Variants in CELF2 observed in about 807,000 individuals in gnomAD.
The protein encoded by CELF2 is CUGBP Elav-like family member 2.
CELF2 carries 8 observed loss-of-function variants against 62.6 expected under a neutral mutation model. The observed-to-expected ratio is 0.13, with a 90% CI of 0.07 to 0.23. The LOEUF is 0.23. Among genes scored for constraint, CELF2 ranks in the 10% least tolerant of loss-of-function variants. The pLI, the probability that CELF2 is intolerant of heterozygous loss-of-function variation, is 1.00. For missense variants in CELF2, 333 were observed against 671.0 expected (o/e 0.50, Z 5.56); for synonymous variants, 258 against 250.0 (o/e 1.03, Z -0.30).
rs1349907157 is a variant in CELF2, at chr10:11,335,744, G to C, written c.*6691G>C. 1 of 151,716 alleles carries C rather than the reference G, an allele frequency of 6.6e-6. No homozygotes were observed. Among genetic ancestry groups the C allele is most frequent in the East Asian group, 1.9e-4 (1 of 5,172 alleles). 9.4% of individuals were successfully genotyped at this position (151,716 alleles called of 1,614,324 possible). A position where few individuals can be genotyped will look rare whatever the true frequency, so the allele number is the denominator to read the frequency against. ...GAGGGGGATGTTGGGAGGCATGGGG[G>C]GTGATTAAATTATCATTTCCAAGGT... On this transcript the variant is annotated 3_prime_UTR_variant, in exon 13 of 13. Coordinates refer to ENST00000633077, the MANE Select transcript of CELF2 (RefSeq NM_001326342.2). This position sits in a 1 kb window ranked among gnomAD's most constrained non-coding sequence, Gnocchi z 5.0.
intron 1 of CELF2, among the ~76,000 whole-genome samples, chr10:11,104,460 G>A (rs1595355694): frequency 6.6e-6 from 1 of 152,174 alleles, no homozygotes; most frequent in African/African-American, 2.4e-5. Context: ...GAAGGCCAAG[G>A]CAGGAGAATC....
intron 8 of CELF2, among the ~76,000 whole-genome samples, chr10:11,287,899 C>G (rs1029445631): frequency 6.6e-6 from 1 of 152,234 alleles, no homozygotes; most frequent in Non-Finnish European, 1.5e-5. Context: ...GAACCCATAC[C>G]AGTTCAGCTT....
At chr10:10,986,574 G>A (rs375122230) in intron 2 of CELF2, among the ~76,000 whole-genome samples, 4 of 152,228 alleles carry the variant, frequency 2.6e-5, no homozygotes, top group African/African-American at 9.7e-5. Flanking sequence ...AAGAAGAAAG[G>A]AGTATTGTAT....
the CELF2 span, among the ~76,000 whole-genome samples, chr10:10,759,522 C>T: frequency 6.6e-6 from 1 of 151,850 alleles, no homozygotes. Flanking sequence ...GTTGGCCAGG[C>T]TGGTCTCGAA....
the CELF2 span, among the ~76,000 whole-genome samples, chr10:10,743,856 A>G: frequency 1.3e-5 from 2 of 152,194 alleles, no homozygotes; most frequent in Non-Finnish European, 1.5e-5. Context: ...CCAAAAATAG[A>G]CTTCTAGAAA....
chr10:11,312,762 C>T (rs1182778723), intron 9 of CELF2, among the ~76,000 whole-genome samples: 3 of 152,120 alleles, frequency 2.0e-5, no homozygotes, highest in Admixed American at 6.5e-5. Flanking sequence ...GGTGAAACCC[C>T]GTCTCTAATA....
At chr10:11,215,450 A>T (rs1005734448) in intron 2 of CELF2, among the ~76,000 whole-genome samples, 3 of 152,194 alleles carry the variant, frequency 2.0e-5, no homozygotes, top group Admixed American at 6.5e-5. Context: ...GGCGTGGCCA[A>T]ACTGGCATCG....
chr10:10,559,494 G>T, the CELF2 span, among the ~76,000 whole-genome samples: 5 of 152,302 alleles, frequency 3.3e-5, no homozygotes, highest in East Asian at 9.6e-4. Context: ...ACCACCAAAG[G>T]TTTTGTTTTA....
chr10:10,690,124 C>A, the CELF2 span, among the ~76,000 whole-genome samples: 2 of 152,084 alleles, frequency 1.3e-5, no homozygotes, highest in African/African-American at 4.8e-5. Context: ...GAATTCTGAC[C>A]TCTCTCCTCT....
rs2083200493 is a variant in CELF2, at chr10:11,269,703, A to G, written c.619-963A>G. The stretch of plus-strand genomic sequence containing the variant: ...GGAGACTTCTGCTGAGTTACTTACC[A>G]AGTGGCAAATGTTGCAAAGGTGCTT... On this transcript the variant is annotated intron_variant, in intron 6 of 12. Transcript: ENST00000633077. This position sits in a 1 kb window ranked among gnomAD's most constrained non-coding sequence, Gnocchi z 4.4. 6.6e-6 allele frequency among the ~76,000 whole-genome samples: 1 copy of G among 152,178 alleles called. No individual in the cohort carries two copies. The highest frequency in any genetic ancestry group is 2.4e-5 in the African/African-American group (1 of 41,432).
chr10:11,007,805 T>C (rs528094007), intron 1 of CELF2, among the ~76,000 whole-genome samples: 1 of 152,316 alleles, frequency 6.6e-6, no homozygotes, highest in East Asian at 1.9e-4. Flanking sequence ...CCCTAGCTGC[T>C]TGTCCGTGGC....
the CELF2 span, among the ~76,000 whole-genome samples, chr10:10,757,221 G>T: frequency 1.3e-5 from 2 of 152,138 alleles, no homozygotes; most frequent in Non-Finnish European, 2.9e-5. Flanking sequence ...ACTTTGGGAG[G>T]TCGAGGTAGG....
intron 1 of CELF2, among the ~76,000 whole-genome samples, chr10:10,864,718 C>T (rs1269102298): frequency 6.6e-6 from 1 of 152,134 alleles, no homozygotes; most frequent in Non-Finnish European, 1.5e-5. Flanking sequence ...GCTCCATCTC[C>T]AAATATAATT....
chr10:10,898,507 G>A (rs12412349), intron 1 of CELF2, among the ~76,000 whole-genome samples: 49,339 of 152,036 alleles, frequency 0.32, 9,522 homozygotes, highest in East Asian at 0.67. Flanking sequence ...CAGAGCAAAG[G>A]CTATTGCCAG....
At chr10:10,693,870 T>A in the CELF2 span, among the ~76,000 whole-genome samples, 6 of 149,662 alleles carry the variant, frequency 4.0e-5, no homozygotes, top group African/African-American at 1.5e-4. Flanking sequence ...CCCTTTATCA[T>A]TTTTTATTGC....
At chr10:10,663,446 C>T in the CELF2 span, among the ~76,000 whole-genome samples, 1 of 152,128 alleles carries the variant, frequency 6.6e-6, no homozygotes, top group Admixed American at 6.5e-5. Context: ...AAATTTTGAC[C>T]AGTCTCAAAC....
At chr10:10,684,160 A>G in the CELF2 span, among the ~76,000 whole-genome samples, 2 of 152,218 alleles carry the variant, frequency 1.3e-5, no homozygotes, top group Non-Finnish European at 2.9e-5. Context: ...TGGCTATTTC[A>G]GTAGGAGTCA....
At chr10:11,058,094 A>C (rs1018273881) in intron 1 of CELF2, among the ~76,000 whole-genome samples, 2 of 151,388 alleles carry the variant, frequency 1.3e-5, no homozygotes, top group Non-Finnish European at 2.9e-5. Flanking sequence ...AACGGAATCT[A>C]ATGTTAAAAC....
rs1564851300 is a variant in CELF2 at position 10,939,277 on chromosome 10, G to GTTGTTGTTGTTGT, written c.89+19279_89+19280insTGTTGTTGTTGTT. ...AATTAGCAAGTTCTTTTGTTTTGTG[G>GTTGTTGTTGTTGT]TGTTGTTGTTGTTGTTGTTGTTGTT... On this transcript the variant is annotated intron_variant, in intron 2 of 13. Transcript: ENST00000636488. 5.1e-3 allele frequency among the ~76,000 whole-genome samples: 736 copies of GTTGTTGTTGTTGT among 144,318 alleles called. 13 individuals are homozygous for GTTGTTGTTGTTGT. Among genetic ancestry groups the GTTGTTGTTGTTGT allele is most frequent in the African/African-American group, 0.018 (690 of 37,552 alleles). The allele number at this position is 144,318 out of a possible 152,430, so 94.7% of individuals were successfully genotyped here.
Sources: gnomAD v4.1 joint callset for allele counts (sites outside exome capture counted in the v4.1 genomes callset) on GRCh38, gnomAD v4.1.1 for gene constraint, Gnocchi (gnomAD v3.1) non-coding constraint, MANE v1.5 for transcripts, NCBI Gene and HGNC (gene_info 2026-07-23, HGNC 2026-07-21) for gene names.